Variants in DEAF1 observed in about 807,000 individuals in gnomAD.
DEAF1 encodes DEAF1 transcription factor, also known as deformed epidermal autoregulatory factor 1 homolog.
DEAF1 carries 53 observed loss-of-function variants against 58.9 expected under a neutral mutation model. The observed-to-expected ratio is 0.90, with a 90% confidence interval of 0.72 to 1.13. DEAF1 has a LOEUF of 1.13. DEAF1 is among the 50% of genes most tolerant of loss of function. DEAF1 has a pLI of 0.00. For synonymous variants in DEAF1, 385 were observed against 340.4 expected, an observed-to-expected ratio of 1.13 and a Z score of -1.44; for missense variants, 685 against 791.4, an observed-to-expected ratio of 0.87 and a Z score of 1.61.
At chr11:702,813 GA>G (rs1861555725) in intron 1 of DEAF1, 2 of 869,044 alleles carry the variant, frequency 2.3e-6, no homozygotes, top group Non-Finnish European at 1.7e-6. Flanking sequence ...TGTTTCCCTG[GA>G]ATTCCCCAGG....
intron 5 of DEAF1, 126 bp from the exon 6 acceptor site, chr11:685,089 T>C (rs1253335018): frequency 1.2e-6 from 1 of 804,694 alleles, no homozygotes; most frequent in Non-Finnish European, 1.9e-6. Flanking sequence ...ATTCTTTTTT[T>C]TTTTTTTTTT....
intron 1 of DEAF1, among the ~76,000 whole-genome samples, chr11:693,935 G>A (rs1001966843): frequency 2.6e-5 from 4 of 152,164 alleles, no homozygotes; most frequent in East Asian, 3.9e-4. Flanking sequence ...GGGAGGACTG[G>A]GAGGGGAGCC....
chr11:655,445 C>T (rs548052436), intron 10 of DEAF1, among the ~76,000 whole-genome samples: 2 of 152,368 alleles, frequency 1.3e-5, no homozygotes, highest in East Asian at 1.9e-4. Context: ...TTGTGAGCTC[C>T]GCCGTCAATG....
intron 2 of DEAF1, among the ~76,000 whole-genome samples, chr11:690,120 T>A (rs1259789304): frequency 1.4e-5 from 2 of 145,946 alleles, no homozygotes; most frequent in East Asian, 4.1e-4. Flanking sequence ...AGGTCAGGAG[T>A]TTGAGACTAC....
intron 10 of DEAF1, among the ~76,000 whole-genome samples, chr11:671,826 T>TAAAAAAAAA (rs35325757): frequency 7.4e-4 from 47 of 63,636 alleles, no homozygotes; most frequent in African/African-American, 2.0e-3. Context: ...CCTTACCTCT[T>TAAAAAAAAA]AAAAAAAAAA....
intron 10 of DEAF1, among the ~76,000 whole-genome samples, chr11:662,461 A>G (rs1203593144): frequency 6.6e-6 from 1 of 152,112 alleles, no homozygotes; most frequent in Non-Finnish European, 1.5e-5. Flanking sequence ...GGAACCATTC[A>G]GTACTTCCTA....
At chr11:656,160 T>C (rs112303953) in intron 10 of DEAF1, among the ~76,000 whole-genome samples, 46 of 83,342 alleles carry the variant, frequency 5.5e-4, no homozygotes, top group African/African-American at 1.3e-3. Flanking sequence ...ATGACAAACT[T>C]TTTTTTTTTT....
chr11:650,209 A>T (rs576478005), intron 11 of DEAF1, among the ~76,000 whole-genome samples: 13 of 151,844 alleles, frequency 8.6e-5, no homozygotes, highest in African/African-American at 2.7e-4. Context: ...ACCCGTCTCT[A>T]TTAAAAATAC....
At position 654,108 on chromosome 11, in the gene DEAF1, C is replaced by T. The variant is rs959224713; in HGVS notation, c.1504-57G>A. 5.9e-5 allele frequency: 88 copies of T among 1,486,256 alleles called. No individual in the cohort carries two copies. The East Asian group carries it at 1.5e-3, about 25-fold the overall frequency. The allele number at this position is 1,486,256 out of a possible 1,614,324, so 92.1% of individuals were successfully genotyped here. ...ACGTGGCCGTGGAGAGCCCCTGAGACACCGGGGACAGAGGCAGGTGCAGGC... is the reference window on the plus strand; with the variant it reads ...ACGTGGCCGTGGAGAGCCCCTGAGATACCGGGGACAGAGGCAGGTGCAGGC... On this transcript the variant is annotated intron_variant, in intron 10 of 11. Transcript: ENST00000382409.
chr11:695,974 C>T (rs1054748680), upstream of DEAF1: 2 of 754,472 alleles, frequency 2.7e-6, no homozygotes, highest in African/African-American at 3.7e-5. Context: ...GTGAGCGAGA[C>T]AGCTCCGTCA....
intron 1 of DEAF1, chr11:694,451 G>A (rs1861001266): frequency 3.3e-6 from 1 of 305,108 alleles, no homozygotes; most frequent in Non-Finnish European, 6.1e-6. Flanking sequence ...TGTGGCAGGT[G>A]GGGCAGGCTG....
chr11:659,064 ATTCT>A (rs762720580), intron 10 of DEAF1, among the ~76,000 whole-genome samples: 13 of 152,182 alleles, frequency 8.5e-5, no homozygotes, highest in Non-Finnish European at 1.6e-4. Flanking sequence ...TGTATTCATT[ATTCT>A]TTCTGCAAAT....
At chr11:654,515 T>C (rs1858952696) in intron 10 of DEAF1, 1 of 455,302 alleles carries the variant, frequency 2.2e-6, no homozygotes, top group Non-Finnish European at 4.4e-6. Context: ...CAGAACGTTC[T>C]TGTCACCTCC....
chr11:704,088 C>T (rs1465765257), intron 1 of DEAF1: 1 of 1,112,104 alleles, frequency 9.0e-7, no homozygotes, highest in East Asian at 6.3e-5. Flanking sequence ...ATTTTCTCTT[C>T]ACCGCATTTT....
At chr11:680,162 A>C in intron 7 of DEAF1, 1 of 344,002 alleles carries the variant, frequency 2.9e-6, no homozygotes, top group Non-Finnish European at 5.6e-6. Context: ...TCTTTAATCC[A>C]AGCTGAAGGT....
intron 10 of DEAF1, among the ~76,000 whole-genome samples, chr11:670,929 A>ATTTTTTT (rs1246631478): frequency 3.1e-4 from 10 of 32,396 alleles, no homozygotes; most frequent in East Asian, 4.7e-3. Flanking sequence ...CACCTGGCTA[A>ATTTTTTT]TGTTTTTTTT....
intron 1 of DEAF1, among the ~76,000 whole-genome samples, chr11:692,973 G>T (rs1266304098): frequency 6.6e-6 from 1 of 152,210 alleles, no homozygotes; most frequent in Non-Finnish European, 1.5e-5. Flanking sequence ...CGGCCACAGT[G>T]AGTGCTCAAC....
chr11:658,722 CG>C (rs1467140796), intron 10 of DEAF1, among the ~76,000 whole-genome samples: 1 of 152,254 alleles, frequency 6.6e-6, no homozygotes, highest in Non-Finnish European at 1.5e-5. Context: ...GAGCACCCTG[CG>C]GGGAGTCCCG....
At chr11:665,322 G>A (rs1451692303) in intron 10 of DEAF1, among the ~76,000 whole-genome samples, 1 of 152,022 alleles carries the variant, frequency 6.6e-6, no homozygotes, top group Non-Finnish European at 1.5e-5. Context: ...AGGAGGACAG[G>A]GTGTCACACT....
Sources: allele counts gnomAD v4.1 joint callset (sites outside exome capture counted in the v4.1 genomes callset), GRCh38; gene constraint gnomAD v4.1.1; transcripts MANE v1.5; gene names NCBI Gene and HGNC (gene_info 2026-07-23, HGNC 2026-07-21).